Variants in MAP3K20 observed in about 807,000 individuals in gnomAD.
MAP3K20 encodes HCCS-4.
Under a neutral mutation model 85.7 loss-of-function variants are expected in MAP3K20, and 40 were observed. The observed-to-expected ratio is 0.47, with a 90% CI of 0.36 to 0.61. MAP3K20 has a LOEUF of 0.61. Ranked by LOEUF, MAP3K20 falls within the 20% of genes least tolerant of loss-of-function variation. The pLI, the probability that MAP3K20 is intolerant of heterozygous loss-of-function variation, is 0.00. For missense variants in MAP3K20, 817 were observed against 961.7 expected, an observed-to-expected ratio of 0.85 and a Z score of 1.99; for synonymous variants, 325 against 327.7, an observed-to-expected ratio of 0.99 and a Z score of 0.09.
At chr2:173,264,779 CG>C (rs1163280425) in intron 19 of MAP3K20, among the ~76,000 whole-genome samples, 1 of 151,820 alleles carries the variant, frequency 6.6e-6, no homozygotes, top group East Asian at 1.9e-4. Context: ...GCTCATGTGA[CG>C]TATGTAAAGT....
At chr2:173,221,169 C>T (rs1458863329) in intron 11 of MAP3K20, 11 of 1,526,784 alleles carry the variant, frequency 7.2e-6, no homozygotes, top group Non-Finnish European at 6.2e-6. Context: ...CCTCTTGCTG[C>T]AAGAATGTCT....
rs1444465242 is a variant in MAP3K20, at chr2:173,267,350, C to T, written c.*600C>T. 1 of 150,306 alleles carries T rather than the reference C, an allele frequency of 6.7e-6. No homozygotes were observed. Among genetic ancestry groups the T allele is most frequent in the Admixed American group, 6.6e-5 (1 of 15,076 alleles). 9.3% of individuals were successfully genotyped at this position (150,306 alleles called of 1,614,324 possible). A position where few individuals can be genotyped will look rare whatever the true frequency, so the allele number is the denominator to read the frequency against. On this transcript the variant is annotated 3_prime_UTR_variant, in exon 20 of 20. Transcript: ENST00000375213. The stretch of plus-strand genomic sequence containing the variant: ...TTTCCCCCTCTTTTTTTTGGATGTC[C>T]CCTTAAATTTTGTGCCCAAGGCAGG...
At chr2:173,229,602 A>T in intron 11 of MAP3K20, 87 bp from the exon 12 acceptor site, 1 of 1,565,716 alleles carries the variant, frequency 6.4e-7, no homozygotes, top group Non-Finnish European at 8.7e-7. Flanking sequence ...AGCAGCTGAG[A>T]GCTGAAAGAG....
intron 2 of MAP3K20, among the ~76,000 whole-genome samples, chr2:173,152,763 G>A (rs771046599): frequency 1.6e-4 from 25 of 152,180 alleles, no homozygotes; most frequent in Non-Finnish European, 2.5e-4. Context: ...CACAAGTTAC[G>A]TAGGTCAACT....
chr2:173,138,954 A>C (rs1005722965), intron 2 of MAP3K20, among the ~76,000 whole-genome samples: 1 of 152,224 alleles, frequency 6.6e-6, no homozygotes. Flanking sequence ...TGTTTTTAAA[A>C]GTCCACAGGC....
chr2:173,246,658 G>A (rs902909939), intron 16 of MAP3K20, among the ~76,000 whole-genome samples: 2 of 152,074 alleles, frequency 1.3e-5, no homozygotes, highest in African/African-American at 2.4e-5. Context: ...TTGGGGAGTC[G>A]TCCATTCCTT....
At chr2:173,145,870 AATAGAT>A (rs986143579) in intron 2 of MAP3K20, among the ~76,000 whole-genome samples, 1 of 152,194 alleles carries the variant, frequency 6.6e-6, no homozygotes, top group Non-Finnish European at 1.5e-5. Context: ...TTAACAGGAA[AATAGAT>A]AAAGACTGTT....
chr2:173,161,078 T>G (rs1689643071), intron 2 of MAP3K20, among the ~76,000 whole-genome samples: 1 of 152,168 alleles, frequency 6.6e-6, no homozygotes. Context: ...CCTTGCTTAA[T>G]CCTAAAACCC....
chr2:173,196,326 C>T (rs1187861993), intron 7 of MAP3K20, among the ~76,000 whole-genome samples: 1 of 152,194 alleles, frequency 6.6e-6, no homozygotes, highest in South Asian at 2.1e-4. Context: ...TGCTGCCCAG[C>T]CTCCCTCCCT....
At chr2:173,259,822 G>C (rs962335590) in intron 17 of MAP3K20, among the ~76,000 whole-genome samples, 1 of 152,160 alleles carries the variant, frequency 6.6e-6, no homozygotes, top group Non-Finnish European at 1.5e-5. Context: ...TTCTTATTTT[G>C]TCAGGACACA....
At chr2:173,116,831 C>G (rs1688137080) in intron 2 of MAP3K20, among the ~76,000 whole-genome samples, 1 of 152,250 alleles carries the variant, frequency 6.6e-6, no homozygotes, top group Non-Finnish European at 1.5e-5. Context: ...CGCTTCCCTT[C>G]TTTGCCTATA....
chr2:173,146,462 T>C (rs1446667357), intron 2 of MAP3K20, among the ~76,000 whole-genome samples: 1 of 152,196 alleles, frequency 6.6e-6, no homozygotes, highest in Non-Finnish European at 1.5e-5. Flanking sequence ...TTAAGTGTTT[T>C]ATAATATATT....
At chr2:173,189,738 T>C (rs752979061) in intron 5 of MAP3K20, among the ~76,000 whole-genome samples, 5 of 152,200 alleles carry the variant, frequency 3.3e-5, no homozygotes, top group Non-Finnish European at 7.3e-5. Flanking sequence ...AGAGCTCCTA[T>C]TCTAACCATT....
intron 11 of MAP3K20, chr2:173,223,761 C>T (rs1472990266): frequency 2.0e-6 from 2 of 985,310 alleles, no homozygotes; most frequent in African/African-American, 1.7e-5. Context: ...TCTATTCACA[C>T]ATATGTACAA....
At position 173,222,230 on chromosome 2, in the gene MAP3K20, G is replaced by A. The variant is rs982164380; in HGVS notation, c.987+4980G>A. The A allele has an allele frequency of 7.1e-6, 7 of 985,488 alleles. No individual in the cohort carries two copies. In the African/African-American group the frequency reaches 1.2e-4, roughly 17 times the overall value. The allele number at this position is 985,488 out of a possible 1,614,324, so 61.0% of individuals were successfully genotyped here. A position where few individuals can be genotyped will look rare whatever the true frequency, so the allele number is the denominator to read the frequency against. ...CAAAAAACAAAAAAAAGAAAGAATT[G>A]ATAGTACAAAATCCAACAACAATAC... is the stretch of plus-strand genomic sequence containing the variant. On this transcript the variant is annotated intron_variant, in intron 11 of 19. Transcript: ENST00000375213.
chr2:173,134,423 TATA>T lies in MAP3K20; in HGVS notation c.160-35381_160-35379del, dbSNP rs1244211714. Among the ~76,000 whole-genome samples, 24 of 22,346 alleles carry T rather than the reference TATA, an allele frequency of 1.1e-3. 1 individual carries two copies. Among genetic ancestry groups the T allele is most frequent in the East Asian group, 2.3e-3 (2 of 880 alleles). The allele number at this position is 22,346 out of a possible 152,430, so 14.7% of individuals were successfully genotyped here. On this transcript the variant is annotated intron_variant, in intron 2 of 19. Coordinates refer to ENST00000375213, the MANE Select transcript of MAP3K20 (RefSeq NM_016653.3). Reference sequence around the variant, plus strand: ...ATATATATATATATATATATATATATATATATTTTTTTTTTTTTTTTTTTGCAG... The same window carrying T: ...ATATATATATATATATATATATATATTATTTTTTTTTTTTTTTTTTTGCAG...
chr2:173,178,838 G>A (rs904216136), intron 3 of MAP3K20, among the ~76,000 whole-genome samples: 1 of 151,974 alleles, frequency 6.6e-6, no homozygotes, highest in Non-Finnish European at 1.5e-5. Flanking sequence ...GTCATACAGA[G>A]ACATAAGAAA....
chr2:173,229,770 C>G, intron 12 of MAP3K20, 37 bp downstream of exon 12: 1 of 1,610,292 alleles, frequency 6.2e-7, no homozygotes, highest in Non-Finnish European at 8.5e-7. Flanking sequence ...TTGACTTGAG[C>G]AGGTATTTCA....
chr2:173,238,491 G>A, intron 15 of MAP3K20, 56 bp downstream of exon 15: 1 of 1,483,736 alleles, frequency 6.7e-7, no homozygotes, highest in Admixed American at 1.9e-5. Flanking sequence ...ACATGCACCT[G>A]CTGCATCCAC....
Sources: gnomAD v4.1 joint callset for allele counts (sites outside exome capture counted in the v4.1 genomes callset) on GRCh38, gnomAD v4.1.1 for gene constraint, MANE v1.5 for transcripts, NCBI Gene and HGNC (gene_info 2026-07-23, HGNC 2026-07-21) for gene names.